Variants in ZNF540 observed in about 807,000 individuals in gnomAD.
ZNF540 encodes CTD-3064H18.6.
A neutral mutation model predicts 11.8 loss-of-function variants in ZNF540; 3 were observed. That is an observed-to-expected ratio of 0.25 (90% CI 0.12 to 0.65). The LOEUF (loss-of-function observed/expected upper bound fraction) is 0.65. Among genes scored for constraint, ZNF540 ranks in the 30% least tolerant of loss-of-function variants. ZNF540 has a pLI of 0.83. For synonymous variants in ZNF540, 247 were observed against 259.0 expected (o/e 0.95, Z 0.45); for missense variants, 709 against 793.1 (o/e 0.89, Z 1.27).
intron 1 of ZNF540, chr19:37,561,010 G>C (rs1324082851): frequency 1.6e-5 from 2 of 126,766 alleles, no homozygotes; most frequent in African/African-American, 3.0e-5. Context: ...CCCGGGATTT[G>C]AGACCAGCCT....
intron 4 of ZNF540, among the ~76,000 whole-genome samples, chr19:37,609,131 T>C (rs1465120071): frequency 2.0e-5 from 3 of 152,248 alleles, no homozygotes; most frequent in African/African-American, 7.2e-5. Flanking sequence ...CCATTCAACA[T>C]GGCACATACC....
rs1409181472 is a variant in ZNF540, at chr19:37,612,374, G to C, written c.1094G>C (p.Arg365Thr). The C allele has an allele frequency of 1.2e-6, 2 of 1,613,746 alleles. No homozygotes were observed. Among genetic ancestry groups the C allele is most frequent in the Non-Finnish European group, 1.7e-6 (2 of 1,179,990 alleles). The part of the protein sequence containing the change: ...YECKECGKTF[R>T]LSFYLTEHRR... ...TGTAAGGAATGTGGAAAGACCTTTAGACTTAGTTTTTACCTTACTGAACAC... is the reference window on the plus strand; with the variant it reads ...TGTAAGGAATGTGGAAAGACCTTTACACTTAGTTTTTACCTTACTGAACAC... Residue 365 changes from arginine (R) to threonine (T), a missense_variant, in exon 5 of 5, where the codon AGA becomes ACA. Coordinates refer to ENST00000316433, the MANE Select transcript of ZNF540 (RefSeq NM_001172225.3).
chr19:37,572,712 T>G (rs909085157), intron 1 of ZNF540, among the ~76,000 whole-genome samples: 1 of 152,218 alleles, frequency 6.6e-6, no homozygotes. Context: ...AGGTTAGAAG[T>G]AATCTGTTGG....
chr19:37,554,518 C>G (rs777933283), intron 1 of ZNF540, among the ~76,000 whole-genome samples: 11 of 152,084 alleles, frequency 7.2e-5, no homozygotes, highest in Non-Finnish European at 1.2e-4. Flanking sequence ...TCAGGCTGTT[C>G]TCAAGATTTT....
At position 37,570,397 on chromosome 19, in the gene ZNF540, T is replaced by C. The variant is rs375420243; in HGVS notation, c.-73+18732T>C. Among the ~76,000 whole-genome samples, 5 of 152,308 alleles carry C rather than the reference T, an allele frequency of 3.3e-5. No individual in the cohort carries two copies. The East Asian group carries it at 7.7e-4, about 24-fold the overall frequency. ...CAGAAACAATGTTTTCCTTCATGTC[T>C]TTCCCTCCACCTCGCTTCACCTAAC... On this transcript the variant is annotated intron_variant, in intron 1 of 4. Transcript: ENST00000592533.
intron 1 of ZNF540, among the ~76,000 whole-genome samples, chr19:37,559,283 A>G (rs1229222410): frequency 1.3e-5 from 2 of 152,242 alleles, no homozygotes; most frequent in African/African-American, 4.8e-5. Flanking sequence ...GTAAATTGAC[A>G]TTTTCAAAAG....
chr19:37,613,095 A>C lies in ZNF540; in HGVS notation c.1815A>C (p.Lys605Asn). 1 of 1,613,496 alleles carries C rather than the reference A, an allele frequency of 6.2e-7. No individual in the cohort carries two copies. Among genetic ancestry groups the C allele is most frequent in the East Asian group, 2.2e-5 (1 of 44,826 alleles). The stretch of plus-strand genomic sequence containing the variant: ...ATCAAAGAATTCATACTGGTGAGAA[A>C]CCCTATGAGTGTAAACAATGTGGGA... ...RIHQRIHTGE[K>N]PYECKQCGKA... The change falls in exon 5 of 5, where the codon AAA becomes AAC. Residue 605 changes from lysine (K) to asparagine (N), a missense_variant. By Grantham distance (94) the Lys-to-Asn change is moderately conservative. Coordinates refer to ENST00000316433, the MANE Select transcript of ZNF540 (RefSeq NM_001172225.3).
intron 1 of ZNF540, among the ~76,000 whole-genome samples, chr19:37,582,817 T>G (rs1184594741): frequency 1.3e-5 from 2 of 152,214 alleles, no homozygotes; most frequent in African/African-American, 2.4e-5. Context: ...CACTGTTATC[T>G]CTAGTGTGAA....
At chr19:37,590,364 C>T (rs1045962938), upstream of ZNF540, among the ~76,000 whole-genome samples, 1 of 151,964 alleles carries the variant, frequency 6.6e-6, no homozygotes, top group Middle Eastern at 3.2e-3. Flanking sequence ...TTGCAGTGAG[C>T]CAAGATCTCG....
chr19:37,592,499 T>A (rs1300476600), upstream of ZNF540, among the ~76,000 whole-genome samples: 1 of 152,182 alleles, frequency 6.6e-6, no homozygotes, highest in Admixed American at 6.5e-5. Context: ...TCCTCTTCCT[T>A]CTCAAAAACC....
rs1242443233 is a variant in ZNF540, at chr19:37,599,966, C to T, written c.136+214C>T. ...GAGCCTCATGAAATGTTCCTTAATC[C>T]ATTACTGTAGTTACTTCTTCCTTAA... On this transcript the variant is annotated intron_variant, in intron 3 of 4. Transcript: ENST00000316433. 3.9e-5 allele frequency among the ~76,000 whole-genome samples: 6 copies of T among 152,112 alleles called. No individual in the cohort carries two copies. The East Asian group carries it at 1.2e-3, about 29-fold the overall frequency.
intron 1 of ZNF540, among the ~76,000 whole-genome samples, chr19:37,553,409 AG>A (rs1193699059): frequency 2.0e-5 from 3 of 152,024 alleles, no homozygotes; most frequent in Non-Finnish European, 4.4e-5. Context: ...CTGGCATTAC[AG>A]GCATCAGCCA....
intron 1 of ZNF540, among the ~76,000 whole-genome samples, chr19:37,576,042 TACACAC>T (rs34837052): frequency 2.6e-4 from 38 of 148,846 alleles, no homozygotes; most frequent in Non-Finnish European, 3.9e-4. Context: ...CATACATGCA[TACACAC>T]ACACACACAC....
intron 1 of ZNF540, among the ~76,000 whole-genome samples, chr19:37,559,325 G>A (rs767235473): frequency 4.6e-5 from 7 of 152,134 alleles, no homozygotes; most frequent in Non-Finnish European, 7.4e-5. Context: ...AATTTAAAAT[G>A]CACAAATACT....
chr19:37,611,389 T>C, intron 4 of ZNF540, 124 bp from the exon 5 acceptor site: 1 of 699,338 alleles, frequency 1.4e-6, no homozygotes, highest in Non-Finnish European at 2.3e-6. Flanking sequence ...TATTGAAATA[T>C]TCTTTAAGCC....
chr19:37,590,086 T>C (rs2043821382), upstream of ZNF540, among the ~76,000 whole-genome samples: 1 of 135,028 alleles, frequency 7.4e-6, no homozygotes, highest in Non-Finnish European at 1.6e-5. Context: ...TGATTTTGGA[T>C]TGGACGCCAG....
At chr19:37,603,004 CT>C (rs569985494) in intron 4 of ZNF540, among the ~76,000 whole-genome samples, 27,425 of 112,860 alleles carry the variant, frequency 0.24, 2,884 homozygotes, top group Non-Finnish European at 0.32. Context: ...TGTAAGGAGT[CT>C]TTTTTTTTTT....
intron 1 of ZNF540, chr19:37,586,914 C>CT: frequency 1.8e-6 from 1 of 551,822 alleles, no homozygotes; most frequent in East Asian, 3.1e-5. Flanking sequence ...CAGACCTTTC[C>CT]TTAATGTCCA....
intron 3 of ZNF540, among the ~76,000 whole-genome samples, chr19:37,600,134 C>T (rs2044027908): frequency 6.6e-6 from 1 of 152,158 alleles, no homozygotes; most frequent in South Asian, 2.1e-4. Flanking sequence ...AACAGCCCTA[C>T]CCAGGGTCTA....
Sources: gnomAD v4.1 joint callset for allele counts (sites outside exome capture counted in the v4.1 genomes callset) on GRCh38, gnomAD v4.1.1 for gene constraint, MANE v1.5 for transcripts, NCBI Gene and HGNC (gene_info 2026-07-23, HGNC 2026-07-21) for gene names.